Variants in AAK1 observed in about 807,000 individuals in gnomAD.
AAK1 encodes AP2-associated protein kinase 1.
Under a neutral mutation model 116.0 loss-of-function variants are expected in AAK1, and 37 were observed. The observed-to-expected ratio is 0.32, with a 90% CI of 0.25 to 0.42. The LOEUF (loss-of-function observed/expected upper bound fraction) is 0.42, where lower values mean the gene tolerates loss of function less well. Ranked by LOEUF, AAK1 falls within the 10% of genes least tolerant of loss-of-function variation. The pLI is 1.00. For missense variants in AAK1, 919 were observed against 1,170.6 expected, an observed-to-expected ratio of 0.79 and a Z score of 3.14; for synonymous variants, 458 against 439.9, an observed-to-expected ratio of 1.04 and a Z score of -0.51.
intron 15 of AAK1, 128 bp downstream of exon 15, chr2:69,507,293 G>T: frequency 8.6e-7 from 1 of 1,158,756 alleles, no homozygotes; most frequent in Non-Finnish European, 1.2e-6. Context: ...CAAGCCTTAT[G>T]CAAAGGCCCA....
At chr2:69,539,534 G>C (rs996523781) in intron 5 of AAK1, among the ~76,000 whole-genome samples, 10 of 152,108 alleles carry the variant, frequency 6.6e-5, no homozygotes, top group African/African-American at 2.4e-4. Flanking sequence ...CAAGGCCAGG[G>C]GTCAGGTCCT....
At chr2:69,549,679 T>C (rs1459781944) in intron 3 of AAK1, among the ~76,000 whole-genome samples, 1 of 152,236 alleles carries the variant, frequency 6.6e-6, no homozygotes, top group African/African-American at 2.4e-5. Flanking sequence ...CATCATACTA[T>C]ACATGCATTC....
Position 69,465,222 on chromosome 2 carries a change from A to T in AAK1, c.*10647T>A, listed in dbSNP as rs566853151. The T allele has an allele frequency of 2.7e-6, 1 of 375,944 alleles. No homozygotes were observed. The highest frequency in any genetic ancestry group is 8.5e-5 in the East Asian group (1 of 11,718). 23.3% of individuals were successfully genotyped at this position (375,944 alleles called of 1,614,324 possible). On this transcript the variant is annotated 3_prime_UTR_variant, in exon 22 of 22. Transcript: ENST00000409085. ...AATCAATATAAACAAACAAACAAAC[A>T]AACAAAAATGAACATAACTTAAAGG...
chr2:69,547,836 A>G (rs192823885), intron 3 of AAK1, among the ~76,000 whole-genome samples: 94 of 152,320 alleles, frequency 6.2e-4, no homozygotes, highest in Non-Finnish European at 1.2e-3. Context: ...AAATAACCCA[A>G]TTCCATCAAC....
intron 21 of AAK1, among the ~76,000 whole-genome samples, chr2:69,476,659 G>C (rs60773368): frequency 0.13 from 20,208 of 152,054 alleles, 1,580 homozygotes; most frequent in Non-Finnish European, 0.17. Context: ...ACTAACTTTT[G>C]GCCAACTGTT....
chr2:69,511,427 C>T (rs1676391369), intron 13 of AAK1, among the ~76,000 whole-genome samples: 1 of 152,216 alleles, frequency 6.6e-6, no homozygotes, highest in Non-Finnish European at 1.5e-5. Context: ...AGAAGGGTAA[C>T]AAAGCTGCCC....
chr2:69,482,267 G>A, intron 18 of AAK1: 1 of 275,010 alleles, frequency 3.6e-6, no homozygotes, highest in Non-Finnish European at 6.8e-6. Flanking sequence ...CAGGAGAATT[G>A]CTTGAACCCG....
chr2:69,569,381 A>G (rs1037843531), intron 2 of AAK1, among the ~76,000 whole-genome samples: 1 of 152,112 alleles, frequency 6.6e-6, no homozygotes, highest in African/African-American at 2.4e-5. Flanking sequence ...AACTCATCTC[A>G]TTTTTGATGC....
chr2:69,544,461 C>T lies in AAK1; in HGVS notation c.366G>A (p.Val122=). 1 of 1,613,308 alleles carries T rather than the reference C, an allele frequency of 6.2e-7. No individual in the cohort carries two copies. The highest frequency in any genetic ancestry group is 8.5e-7 in the Non-Finnish European group (1 of 1,179,326). Reference sequence around the variant, plus strand: ...CTCTACAAAAGTCCATCAGAATGAGCACTTCCCATACATCACCGCTACTCA... The same window carrying T: ...CTCTACAAAAGTCCATCAGAATGAGTACTTCCCATACATCACCGCTACTCA... ...NNVSSGDVWE[V]LILMDFCRGG... is the part of the protein sequence containing the mutation. Residue 122 remains valine (V), a synonymous_variant, in exon 4 of 22, where the codon GTG becomes GTA. Transcript: ENST00000409085.
At chr2:69,523,480 T>A (rs1272056639) in intron 10 of AAK1, among the ~76,000 whole-genome samples, 1 of 152,222 alleles carries the variant, frequency 6.6e-6, no homozygotes, top group Non-Finnish European at 1.5e-5. Flanking sequence ...GATACAGGTG[T>A]TATTTGACTG....
chr2:69,592,174 C>T (rs752402404), intron 2 of AAK1, among the ~76,000 whole-genome samples: 1 of 152,164 alleles, frequency 6.6e-6, no homozygotes, highest in Non-Finnish European at 1.5e-5. Flanking sequence ...AAGAAATAGT[C>T]GACCTGAGTA....
rs1310891195 is a variant in AAK1, at chr2:69,462,061, C to T, written c.*13808G>A. On this transcript the variant is annotated 3_prime_UTR_variant, in exon 22 of 22. Coordinates refer to ENST00000409085, the MANE Select transcript of AAK1 (RefSeq NM_014911.5). Reference sequence around the variant, plus strand: ...GGAAAAACATTTTGCTGGGCTGTTACAGAGATAATCCTGAATATTTGGAAA... The same window carrying T: ...GGAAAAACATTTTGCTGGGCTGTTATAGAGATAATCCTGAATATTTGGAAA... 1 of 152,498 alleles carries T rather than the reference C, an allele frequency of 6.6e-6. No homozygotes were observed. Among genetic ancestry groups the T allele is most frequent in the African/African-American group, 2.4e-5 (1 of 41,272 alleles). 9.4% of individuals were successfully genotyped at this position (152,498 alleles called of 1,614,324 possible). A position where few individuals can be genotyped will look rare whatever the true frequency, so the allele number is the denominator to read the frequency against.
chr2:69,468,537 C>G lies in AAK1; in HGVS notation c.*7332G>C, dbSNP rs1300723044. 4.1e-6 allele frequency: 4 copies of G among 985,174 alleles called. No homozygotes were observed. In the African/African-American group the frequency reaches 7.0e-5, roughly 17 times the overall value. 61.0% of individuals were successfully genotyped at this position (985,174 alleles called of 1,614,324 possible). ...CTTGTTCTGCAGGAGAGCAAAATAT[C>G]TCTTAGGGAAAAAAAATGGAAAACT... On this transcript the variant is annotated 3_prime_UTR_variant, in exon 22 of 22. Coordinates refer to ENST00000409085, the MANE Select transcript of AAK1 (RefSeq NM_014911.5).
intron 2 of AAK1, among the ~76,000 whole-genome samples, chr2:69,591,372 G>T (rs556077982): frequency 6.6e-6 from 1 of 152,250 alleles, no homozygotes; most frequent in East Asian, 1.9e-4. Flanking sequence ...AGGTATGGAA[G>T]TATCATTCCT....
intron 16 of AAK1, among the ~76,000 whole-genome samples, chr2:69,500,667 ATATAT>A (rs1675932879): frequency 2.7e-5 from 2 of 73,080 alleles, no homozygotes; most frequent in South Asian, 1.0e-3. Context: ...CCCTTAAAAT[ATATAT>A]ATATATATAT....
intron 2 of AAK1, among the ~76,000 whole-genome samples, chr2:69,561,014 G>A (rs1404861622): frequency 2.0e-5 from 3 of 152,182 alleles, no homozygotes; most frequent in Admixed American, 6.5e-5. Flanking sequence ...GGTTTTGTCG[G>A]ATCTGCTAAT....
chr2:69,481,759 G>A (rs1675095458), intron 18 of AAK1: 2 of 152,088 alleles, frequency 1.3e-5, no homozygotes, highest in African/African-American at 4.8e-5. Context: ...TTAACCAGTG[G>A]GCAAAATGTT....
chr2:69,621,967 G>A (rs1237396826), intron 2 of AAK1, among the ~76,000 whole-genome samples: 1 of 152,246 alleles, frequency 6.6e-6, no homozygotes, highest in Non-Finnish European at 1.5e-5. Context: ...CTCGGCCTTG[G>A]CGCCCACTCT....
intron 2 of AAK1, among the ~76,000 whole-genome samples, chr2:69,583,854 A>C (rs531920459): frequency 1.3e-5 from 2 of 152,160 alleles, no homozygotes; most frequent in African/African-American, 4.8e-5. Flanking sequence ...CAAGCTACGG[A>C]TCTTCATCCA....
Sources: allele counts gnomAD v4.1 joint callset (sites outside exome capture counted in the v4.1 genomes callset), GRCh38; gene constraint gnomAD v4.1.1; transcripts MANE v1.5; gene names NCBI Gene and HGNC (gene_info 2026-07-23, HGNC 2026-07-21).